The following RAB2B variants were observed in gnomAD, a reference collection of about 807,000 sequenced individuals.
The protein encoded by RAB2B is ras-related protein Rab-2B.
A neutral mutation model predicts 29.8 loss-of-function variants in RAB2B; 20 were observed. The observed-to-expected ratio is 0.67, with a 90% CI of 0.47 to 0.97. The LOEUF (loss-of-function observed/expected upper bound fraction) is 0.97. RAB2B is among the 50% of genes least tolerant of loss of function. The pLI, the probability that RAB2B is intolerant of heterozygous loss-of-function variation, is 0.00. For synonymous variants in RAB2B, 93 were observed against 91.7 expected (o/e 1.01, Z -0.08); for missense variants, 218 against 272.0 (o/e 0.80, Z 1.40).
At chr14:21,472,693 A>C (rs1405395483) in intron 3 of RAB2B, among the ~76,000 whole-genome samples, 1 of 152,202 alleles carries the variant, frequency 6.6e-6, no homozygotes, top group African/African-American at 2.4e-5. Context: ...GTAGTTCTTA[A>C]GGATTCTGTC....
rs1044674771 is a variant in RAB2B at position 21,463,167 on chromosome 14, G to T, written c.474+489C>A. ...TTACCCAAAGCAAAAGTAAAACCTTGGGAATCAGGGTAAAAGAAAATGGGA... is the reference window on the plus strand; with the variant it reads ...TTACCCAAAGCAAAAGTAAAACCTTTGGAATCAGGGTAAAAGAAAATGGGA... On this transcript the variant is annotated intron_variant, in intron 6 of 7. Transcript: ENST00000397762. Among the ~76,000 whole-genome samples, 4 of 151,984 alleles carry T rather than the reference G, an allele frequency of 2.6e-5. 1 individual carries two copies. In the East Asian group the frequency reaches 7.7e-4, roughly 29 times the overall value.
intron 3 of RAB2B, among the ~76,000 whole-genome samples, chr14:21,469,214 T>C (rs1326989875): frequency 6.6e-6 from 1 of 152,196 alleles, no homozygotes; most frequent in African/African-American, 2.4e-5. Context: ...CCCATTTCTT[T>C]ATCTGTAAAA....
Position 21,461,194 on chromosome 14 carries a change from G to T in RAB2B, c.*2C>A. On this transcript the variant is annotated 3_prime_UTR_variant, in exon 8 of 8. Coordinates refer to ENST00000397762, the MANE Select transcript of RAB2B (RefSeq NM_032846.4). ...AGGACAAAAAAAGTTCAAGCCAGAT[G>T]TTCAGCAGCAGCCAGAGTTGGACCC... 6.2e-7 allele frequency: 1 copy of T among 1,606,080 alleles called. No homozygotes were observed. The highest frequency in any genetic ancestry group is 8.5e-7 in the Non-Finnish European group (1 of 1,174,858).
chr14:21,472,030 G>C (rs1454025883), intron 3 of RAB2B, among the ~76,000 whole-genome samples: 2 of 152,074 alleles, frequency 1.3e-5, no homozygotes, highest in African/African-American at 4.8e-5. Flanking sequence ...CCAAGTGGAA[G>C]CATCATACTA....
intron 3 of RAB2B, among the ~76,000 whole-genome samples, chr14:21,471,130 G>A (rs906566664): frequency 1.3e-5 from 2 of 151,408 alleles, no homozygotes; most frequent in African/African-American, 2.4e-5. Flanking sequence ...CCAAGATGGC[G>A]CTATTGCACT....
intron 2 of RAB2B, among the ~76,000 whole-genome samples, chr14:21,475,267 T>C (rs1745677850): frequency 6.6e-6 from 1 of 152,160 alleles, no homozygotes; most frequent in Non-Finnish European, 1.5e-5. Context: ...TTAGGTAACA[T>C]TTAGTTTTGT....
Position 21,461,112 on chromosome 14 carries a change from A to G in RAB2B, c.*84T>C. 2.0e-6 allele frequency: 2 copies of G among 976,790 alleles called. No homozygotes were observed. Among genetic ancestry groups the G allele is most frequent in the Non-Finnish European group, 3.1e-6 (2 of 640,550 alleles). 60.5% of individuals were successfully genotyped at this position (976,790 alleles called of 1,614,324 possible). A position where few individuals can be genotyped will look rare whatever the true frequency, so the allele number is the denominator to read the frequency against. On this transcript the variant is annotated 3_prime_UTR_variant, in exon 8 of 8. Coordinates refer to ENST00000397762, the MANE Select transcript of RAB2B (RefSeq NM_032846.4). ...CACACTTTAAAAAGAGGCTGCTCTCAGCCAAAGCAAGAAAGACCTCTTTCA... is the reference window on the plus strand; with the variant it reads ...CACACTTTAAAAAGAGGCTGCTCTCGGCCAAAGCAAGAAAGACCTCTTTCA...
At chr14:21,471,050 G>A (rs1890800560) in intron 3 of RAB2B, among the ~76,000 whole-genome samples, 1 of 148,714 alleles carries the variant, frequency 6.7e-6, no homozygotes, top group Non-Finnish European at 1.5e-5. Flanking sequence ...GCGCACGCCT[G>A]TAATCCCAGC....
intron 5 of RAB2B, 41 bp from the exon 6 acceptor site, chr14:21,463,808 C>G: frequency 7.6e-7 from 1 of 1,313,838 alleles, no homozygotes; most frequent in Non-Finnish European, 1.1e-6. Flanking sequence ...AAAAAAAGAT[C>G]CAAGTGAAAG....
At chr14:21,473,609 T>C (rs1890871743) in intron 3 of RAB2B, among the ~76,000 whole-genome samples, 3 of 152,216 alleles carry the variant, frequency 2.0e-5, no homozygotes, top group African/African-American at 7.2e-5. Context: ...GGCTGGGCAC[T>C]GTGGCTCACG....
chr14:21,463,332 C>T (rs191939304), intron 6 of RAB2B, among the ~76,000 whole-genome samples: 21 of 150,968 alleles, frequency 1.4e-4, no homozygotes, highest in Admixed American at 3.3e-4. Context: ...CTACAACCTC[C>T]GCCTCCTGGG....
chr14:21,470,234 T>C (rs1227271343), intron 3 of RAB2B, among the ~76,000 whole-genome samples: 2 of 152,152 alleles, frequency 1.3e-5, no homozygotes, highest in Non-Finnish European at 2.9e-5. Context: ...ATTACAGGCA[T>C]GAGCCACCGT....
chr14:21,474,924 A>G lies in RAB2B; in HGVS notation c.129T>C (p.Phe43=). 2.5e-6 allele frequency: 4 copies of G among 1,614,000 alleles called. No homozygotes were observed. The highest frequency in any genetic ancestry group is 3.4e-6 in the Non-Finnish European group (4 of 1,179,892). Residue 43 remains phenylalanine (F), a synonymous_variant, in exon 3 of 8, where the codon TTT becomes TTC. Coordinates refer to ENST00000397762, the MANE Select transcript of RAB2B (RefSeq NM_032846.4). The part of the protein sequence containing the change: ...PVHDLTIGVE[F]GARMVNIDGK... ...CATCAATGTTGACCATACGAGCTCC[A>G]AACTCCACACCTGTCGGTAAAGACC...
intron 2 of RAB2B, among the ~76,000 whole-genome samples, chr14:21,475,496 T>G (rs1338494517): frequency 1.3e-5 from 2 of 148,844 alleles, no homozygotes; most frequent in Non-Finnish European, 3.0e-5. Context: ...AGTGGTGCGA[T>G]CTCAGCTCAC....
intron 3 of RAB2B, among the ~76,000 whole-genome samples, chr14:21,469,610 C>T (rs1890759507): frequency 6.6e-6 from 1 of 151,964 alleles, no homozygotes; most frequent in Non-Finnish European, 1.5e-5. Flanking sequence ...AAAACAAAAA[C>T]ATTTTTTAAA....
In RAB2B at chr14:21,459,843, G is replaced by A. The variant is rs951002954; in HGVS notation, c.*1353C>T. On this transcript the variant is annotated 3_prime_UTR_variant, in exon 8 of 8. Coordinates refer to ENST00000397762, the MANE Select transcript of RAB2B (RefSeq NM_032846.4). ...ATTCAGTAAGTAGATTAGCCTGATT[G>A]GAGTAGAAAGTCTAGGTCTAGTTAA... 4.2e-6 allele frequency: 1 copy of A among 236,186 alleles called. No individual in the cohort carries two copies. Among genetic ancestry groups the A allele is most frequent in the Admixed American group, 5.0e-5 (1 of 19,856 alleles). The allele number at this position is 236,186 out of a possible 1,614,324, so 14.6% of individuals were successfully genotyped here.
chr14:21,462,487 A>G, intron 6 of RAB2B, 69 bp from the exon 7 acceptor site: 1 of 1,338,650 alleles, frequency 7.5e-7, no homozygotes, highest in Non-Finnish European at 1.1e-6. Flanking sequence ...GAGAATATTA[A>G]TTATTATTCA....
intron 7 of RAB2B, among the ~76,000 whole-genome samples, chr14:21,461,528 C>A (rs1890555429): frequency 6.6e-6 from 1 of 152,128 alleles, no homozygotes; most frequent in Admixed American, 6.6e-5. Flanking sequence ...AATAAGATGA[C>A]TACCTGTGGT....
intron 1 of RAB2B, 35 bp downstream of exon 1, chr14:21,476,792 G>A (rs1429835192): frequency 6.7e-7 from 1 of 1,482,140 alleles, no homozygotes; most frequent in Non-Finnish European, 9.1e-7. Flanking sequence ...TCGAATGCCC[G>A]CCCGAGCCTT....
Sources: allele counts gnomAD v4.1 joint callset (sites outside exome capture counted in the v4.1 genomes callset), GRCh38; gene constraint gnomAD v4.1.1; transcripts MANE v1.5; gene names NCBI Gene and HGNC (gene_info 2026-07-23, HGNC 2026-07-21).